BMPER: variants seen among roughly 807,000 people sequenced by gnomAD.
The protein encoded by BMPER is BMP binding endothelial regulator.
A neutral mutation model predicts 87.3 loss-of-function variants in BMPER; 45 were observed. That is an observed-to-expected ratio of 0.52 (90% CI 0.41 to 0.66). The LOEUF is 0.66. Among genes scored for constraint, BMPER ranks in the 30% least tolerant of loss-of-function variants. The pLI, the probability that BMPER is intolerant of heterozygous loss-of-function variation, is 0.00. For missense variants in BMPER, 784 were observed against 867.5 expected (o/e 0.90, Z 1.21); for synonymous variants, 326 against 316.2 (o/e 1.03, Z -0.33).
intron 11 of BMPER, among the ~76,000 whole-genome samples, chr7:34,064,560 T>C (rs760015421): frequency 1.3e-5 from 2 of 152,188 alleles, no homozygotes; most frequent in Admixed American, 6.5e-5. Flanking sequence ...GTGTTAACCA[T>C]GTGAATGAGC....
intron 6 of BMPER, among the ~76,000 whole-genome samples, chr7:33,991,727 C>T (rs924423266): frequency 1.3e-5 from 2 of 150,624 alleles, no homozygotes; most frequent in Admixed American, 6.6e-5. Context: ...AATTTTGGAT[C>T]TTTCCTGCCT....
At chr7:34,115,976 A>G (rs886232875) in intron 13 of BMPER, among the ~76,000 whole-genome samples, 2 of 152,048 alleles carry the variant, frequency 1.3e-5, no homozygotes, top group Non-Finnish European at 2.9e-5. Flanking sequence ...CCTTGCCAAC[A>G]CTCTGACTTT....
rs77757233 is a variant in BMPER, at chr7:33,985,581, C to A, written c.576+10797C>A. On this transcript the variant is annotated intron_variant, in intron 6 of 14. Transcript: ENST00000649409. ...TGTGTGTTGCTGAAGTACTTCAAAT[C>A]AATGTCTTAATTCCCACTCCAATAA... 7.5e-3 allele frequency among the ~76,000 whole-genome samples: 1,138 copies of A among 152,216 alleles called. 17 individuals are homozygous for A. The highest frequency in any genetic ancestry group is 0.026 in the African/African-American group (1,090 of 41,536).
chr7:33,963,166 A>G (rs906648008), intron 3 of BMPER, among the ~76,000 whole-genome samples: 1 of 152,204 alleles, frequency 6.6e-6, no homozygotes, highest in Non-Finnish European at 1.5e-5. Flanking sequence ...GATAACTATA[A>G]TATCTGTAAG....
chr7:34,050,417 G>T (rs920559384), intron 7 of BMPER, among the ~76,000 whole-genome samples: 6 of 152,088 alleles, frequency 3.9e-5, no homozygotes, highest in African/African-American at 1.4e-4. Flanking sequence ...TTTGCTCTTG[G>T]TGGTGAGAAC....
intron 11 of BMPER, among the ~76,000 whole-genome samples, chr7:34,073,751 A>T (rs1386520497): frequency 6.6e-6 from 1 of 152,270 alleles, no homozygotes; most frequent in African/African-American, 2.4e-5. Context: ...TACAAGATAG[A>T]GTATTTGAAA....
intron 6 of BMPER, among the ~76,000 whole-genome samples, chr7:34,024,408 T>A (rs1787300865): frequency 4.5e-5 from 2 of 44,764 alleles, no homozygotes; most frequent in African/African-American, 1.6e-4. Context: ...TATATATATA[T>A]ATATATATAT....
chr7:33,985,557 G>A (rs1454432827), intron 6 of BMPER, among the ~76,000 whole-genome samples: 1 of 152,134 alleles, frequency 6.6e-6, no homozygotes, highest in Non-Finnish European at 1.5e-5. Context: ...AGGGGTGTGT[G>A]TGTGTTGCTG....
chr7:33,937,140 G>T, intron 2 of BMPER, 149 bp from the exon 3 acceptor site: 1 of 785,904 alleles, frequency 1.3e-6, no homozygotes, highest in Non-Finnish European at 2.2e-6. Flanking sequence ...CTGTTTCAGA[G>T]ATGGCAAAAT....
intron 2 of BMPER, among the ~76,000 whole-genome samples, chr7:33,935,675 C>T (rs184572274): frequency 2.6e-5 from 4 of 152,066 alleles, no homozygotes; most frequent in Non-Finnish European, 1.5e-5. Flanking sequence ...ATAAGGACAA[C>T]CAGTAAATGA....
In BMPER at chr7:34,048,170, T is replaced by C. The variant is rs115766647; in HGVS notation, c.676+1765T>C. 8.7e-3 allele frequency among the ~76,000 whole-genome samples: 1,317 copies of C among 152,214 alleles called. 21 individuals carry two copies. The highest frequency in any genetic ancestry group is 0.03 in the African/African-American group (1,266 of 41,530). ...TCTGAAACAACCTGTTGATTTATTT[T>C]TCTCGTTCCCAAATTAGCACAGCCA... On this transcript the variant is annotated intron_variant, in intron 7 of 14. Coordinates refer to ENST00000649409, the MANE Select transcript of BMPER (RefSeq NM_001365308.1).
At chr7:34,129,595 AG>A (rs1790502093) in intron 13 of BMPER, among the ~76,000 whole-genome samples, 4 of 129,504 alleles carry the variant, frequency 3.1e-5, no homozygotes, top group Non-Finnish European at 4.8e-5. Context: ...AGAGAGAGAG[AG>A]AGAGAGAGAG....
intron 3 of BMPER, among the ~76,000 whole-genome samples, chr7:33,958,652 C>T (rs2128615515): frequency 6.6e-6 from 1 of 152,304 alleles, no homozygotes; most frequent in South Asian, 2.1e-4. Context: ...GTGAATGGAA[C>T]ATGGCTTTTA....
At chr7:34,123,890 A>G (rs930711285) in intron 13 of BMPER, among the ~76,000 whole-genome samples, 2 of 152,198 alleles carry the variant, frequency 1.3e-5, no homozygotes, top group Non-Finnish European at 2.9e-5. Context: ...TTGAGACTAT[A>G]TCTTTTAATC....
At chr7:33,994,441 C>A (rs542425159) in intron 6 of BMPER, among the ~76,000 whole-genome samples, 1 of 152,170 alleles carries the variant, frequency 6.6e-6, no homozygotes, top group African/African-American at 2.4e-5. Flanking sequence ...TGACCCCTTG[C>A]GCTTCCCAAG....
rs1161556297 is a variant in BMPER, at chr7:33,955,582, T to C, written c.320-10897T>C. 5.3e-5 allele frequency among the ~76,000 whole-genome samples: 8 copies of C among 152,146 alleles called. 1 individual carries two copies. The South Asian group carries it at 6.2e-4, about 12-fold the overall frequency. Reference sequence around the variant, plus strand: ...TTCCCAAAAGTGTACTCAGCAAACATAGGCCGGCTTCATCCCACAGTGAAA... The same window carrying C: ...TTCCCAAAAGTGTACTCAGCAAACACAGGCCGGCTTCATCCCACAGTGAAA... On this transcript the variant is annotated intron_variant, in intron 3 of 14. Transcript: ENST00000649409.
intron 6 of BMPER, among the ~76,000 whole-genome samples, chr7:34,035,779 G>A (rs892620948): frequency 6.6e-6 from 1 of 152,232 alleles, no homozygotes; most frequent in African/African-American, 2.4e-5. Flanking sequence ...TCTGCCCTCT[G>A]TGAACCTTCA....
chr7:34,118,426 G>A (rs748953692), intron 13 of BMPER, among the ~76,000 whole-genome samples: 15 of 152,206 alleles, frequency 9.9e-5, no homozygotes, highest in African/African-American at 1.7e-4. Flanking sequence ...AATGCAAGGC[G>A]TTCCATGCTC....
intron 10 of BMPER, among the ~76,000 whole-genome samples, chr7:34,059,385 T>C (rs1043629891): frequency 6.6e-6 from 1 of 151,902 alleles, no homozygotes; most frequent in Non-Finnish European, 1.5e-5. Flanking sequence ...ATTGTGCTCT[T>C]GCTGGGGGAG....
Sources: gnomAD v4.1 joint callset for allele counts (sites outside exome capture counted in the v4.1 genomes callset) on GRCh38, gnomAD v4.1.1 for gene constraint, MANE v1.5 for transcripts, NCBI Gene and HGNC (gene_info 2026-07-23, HGNC 2026-07-21) for gene names.